KCNB2: variants seen among roughly 807,000 people sequenced by gnomAD.
KCNB2 encodes the protein potassium voltage-gated channel subfamily B member 2.
In KCNB2, 15 loss-of-function variants were observed where a neutral mutation model predicts 61.5. That is an observed-to-expected ratio of 0.24 (90% CI 0.16 to 0.38). The LOEUF is 0.38. Among genes scored for constraint, KCNB2 ranks in the 10% least tolerant of loss-of-function variants. KCNB2 has a pLI of 1.00. For missense variants in KCNB2, 828 were observed against 1,125.2 expected (o/e 0.74, Z 3.78); for synonymous variants, 457 against 446.0 (o/e 1.02, Z -0.31).
At chr8:72,849,514 CAT>C (rs1242394813) in intron 2 of KCNB2, among the ~76,000 whole-genome samples, 1 of 152,168 alleles carries the variant, frequency 6.6e-6, no homozygotes, top group Non-Finnish European at 1.5e-5. Flanking sequence ...GCTAAGCACA[CAT>C]ATTGTATGAA....
At chr8:72,757,288 A>G (rs79396341) in intron 2 of KCNB2, among the ~76,000 whole-genome samples, 2,812 of 152,288 alleles carry the variant, frequency 0.018, 103 homozygotes, top group African/African-American at 0.065. Flanking sequence ...GTGAAGGTCA[A>G]TGGGGACTTA....
At chr8:72,671,394 G>T (rs80134562) in intron 2 of KCNB2, among the ~76,000 whole-genome samples, 3 of 152,094 alleles carry the variant, frequency 2.0e-5, no homozygotes, top group Non-Finnish European at 4.4e-5. Context: ...TCTTTGATTG[G>T]TTCATTCATC....
intron 2 of KCNB2, among the ~76,000 whole-genome samples, chr8:72,864,022 G>A (rs1418566092): frequency 6.6e-6 from 1 of 152,110 alleles, no homozygotes; most frequent in East Asian, 1.9e-4. Flanking sequence ...GGGGAGGTGG[G>A]GGAATAGTCG....
chr8:72,924,461 T>C (rs1806595385), intron 2 of KCNB2, among the ~76,000 whole-genome samples: 1 of 152,206 alleles, frequency 6.6e-6, no homozygotes, highest in African/African-American at 2.4e-5. Flanking sequence ...ATGCAGATTC[T>C]GATTCAGTGG....
At chr8:72,576,339 C>T (rs1806793860) in intron 2 of KCNB2, among the ~76,000 whole-genome samples, 1 of 152,128 alleles carries the variant, frequency 6.6e-6, no homozygotes, top group Non-Finnish European at 1.5e-5. Context: ...GCTGGTCACC[C>T]AATGCTGTCC....
chr8:72,720,099 A>G (rs1038216580), intron 2 of KCNB2, among the ~76,000 whole-genome samples: 16 of 152,312 alleles, frequency 1.1e-4, no homozygotes, highest in African/African-American at 3.4e-4. Context: ...ACACTGTACC[A>G]TAAGTTTTTA....
At chr8:72,554,982 A>G (rs1357438036) in intron 1 of KCNB2, among the ~76,000 whole-genome samples, 1 of 152,086 alleles carries the variant, frequency 6.6e-6, no homozygotes, top group African/African-American at 2.4e-5. Flanking sequence ...GGATTGCTCA[A>G]TATTGATCCC....
intron 2 of KCNB2, among the ~76,000 whole-genome samples, chr8:72,728,859 A>G (rs925846491): frequency 1.3e-5 from 2 of 152,206 alleles, no homozygotes; most frequent in African/African-American, 4.8e-5. Flanking sequence ...ATTATTCTTC[A>G]AAGAATTTGA....
chr8:72,900,747 C>T lies in KCNB2; in HGVS notation c.580-35188C>T, dbSNP rs577044863. Among the ~76,000 whole-genome samples, 45 of 152,240 alleles carry T rather than the reference C, an allele frequency of 3.0e-4. No homozygotes were observed. The South Asian group carries it at 8.5e-3, about 29-fold the overall frequency. The stretch of plus-strand genomic sequence containing the variant: ...GTGTCCAACAAACATGAAGAATGCT[C>T]ATCATTACTAATCATCTGAGAAATT... On this transcript the variant is annotated intron_variant, in intron 2 of 2. Coordinates refer to ENST00000523207, the MANE Select transcript of KCNB2 (RefSeq NM_004770.3).
At chr8:72,895,618 A>G (rs1189282949) in intron 2 of KCNB2, among the ~76,000 whole-genome samples, 1 of 152,202 alleles carries the variant, frequency 6.6e-6, no homozygotes, top group East Asian at 1.9e-4. Context: ...AACAAATGCA[A>G]CAGAATAAAG....
chr8:72,822,541 A>G (rs1809528744), intron 2 of KCNB2, among the ~76,000 whole-genome samples: 1 of 151,704 alleles, frequency 6.6e-6, no homozygotes, highest in South Asian at 2.1e-4. Flanking sequence ...CACCTCCACC[A>G]CCCTAGTCCA....
At chr8:72,903,603 T>C (rs1465276149) in intron 2 of KCNB2, among the ~76,000 whole-genome samples, 2 of 152,044 alleles carry the variant, frequency 1.3e-5, no homozygotes, top group East Asian at 3.8e-4. Flanking sequence ...ATAAATAAAA[T>C]AAATGACTTA....
In KCNB2 at chr8:72,851,798, C is replaced by G. The variant is rs1027403611; in HGVS notation, c.580-84137C>G. Reference sequence around the variant, plus strand: ...TTGAGCAAAGCGTTCTTTCTTCTTCCTTTTTTTTTTTAATGTAGAAGCTGT... The same window carrying G: ...TTGAGCAAAGCGTTCTTTCTTCTTCGTTTTTTTTTTTAATGTAGAAGCTGT... On this transcript the variant is annotated intron_variant, in intron 2 of 2. Transcript: ENST00000523207. Among the ~76,000 whole-genome samples, 26 of 96,930 alleles carry G rather than the reference C, an allele frequency of 2.7e-4. No individual in the cohort carries two copies. In the South Asian group the frequency reaches 8.2e-3, roughly 31 times the overall value. The allele number at this position is 96,930 out of a possible 152,430, so 63.6% of individuals were successfully genotyped here.
At chr8:72,897,740 A>C (rs573455131) in intron 2 of KCNB2, among the ~76,000 whole-genome samples, 4 of 152,290 alleles carry the variant, frequency 2.6e-5, no homozygotes, top group African/African-American at 9.6e-5. Flanking sequence ...CTTTGAAAGC[A>C]CTATTGCTTG....
chr8:72,790,584 T>C (rs187080266), intron 2 of KCNB2, among the ~76,000 whole-genome samples: 4 of 152,252 alleles, frequency 2.6e-5, no homozygotes, highest in East Asian at 1.9e-4. Context: ...TTAAGAACTT[T>C]GGCACTCGAG....
intron 2 of KCNB2, among the ~76,000 whole-genome samples, chr8:72,641,876 G>A (rs995800146): frequency 4.5e-4 from 69 of 152,250 alleles, no homozygotes; most frequent in African/African-American, 1.7e-3. Flanking sequence ...TGGTTGTTAA[G>A]TACTAACTGC....
chr8:72,628,488 C>A, intron 2 of KCNB2, among the ~76,000 whole-genome samples: 1 of 148,926 alleles, frequency 6.7e-6, no homozygotes, highest in Non-Finnish European at 1.5e-5. Flanking sequence ...TGAAGTACTT[C>A]TTTTCACAGT....
chr8:72,730,935 A>G (rs1348492298), intron 2 of KCNB2, among the ~76,000 whole-genome samples: 1 of 151,562 alleles, frequency 6.6e-6, no homozygotes, highest in Non-Finnish European at 1.5e-5. Flanking sequence ...CTCCTCTACA[A>G]AAGCAGTGGT....
At chr8:72,662,936 G>C (rs1806404313) in intron 2 of KCNB2, among the ~76,000 whole-genome samples, 1 of 152,114 alleles carries the variant, frequency 6.6e-6, no homozygotes, top group South Asian at 2.1e-4. Context: ...TGATGACATA[G>C]AAGTCTTCAG....
Sources: gnomAD v4.1 joint callset for allele counts (sites outside exome capture counted in the v4.1 genomes callset) on GRCh38, gnomAD v4.1.1 for gene constraint, MANE v1.5 for transcripts, NCBI Gene and HGNC (gene_info 2026-07-23, HGNC 2026-07-21) for gene names.